ODAD4: variants seen among roughly 807,000 people sequenced by gnomAD.
The protein encoded by ODAD4 is outer dynein arm-docking complex subunit 4.
Under a neutral mutation model 51.8 loss-of-function variants are expected in ODAD4, and 49 were observed. The ratio of observed to expected loss-of-function variants is 0.95; its 90% CI spans 0.75 to 1.20. ODAD4 has a LOEUF of 1.20. Ranked by LOEUF, ODAD4 falls within the 50% of genes most tolerant of loss-of-function variation. The probability of loss-of-function intolerance (pLI) is 0.00; values close to 1 mark genes in which losing one functional copy is unlikely to be tolerated. For synonymous variants in ODAD4, 235 were observed against 221.3 expected (o/e 1.06, Z -0.55); for missense variants, 590 against 586.5 (o/e 1.01, Z -0.06).
At chr17:41,936,396 C>A in intron 3 of ODAD4, 77 bp from the exon 4 acceptor site, 1 of 1,070,320 alleles carries the variant, frequency 9.3e-7, no homozygotes, top group Non-Finnish European at 1.4e-6. Flanking sequence ...CAAAGGCAGC[C>A]ATTTCTACAT....
At position 41,965,363 on chromosome 17, in the gene ODAD4, A is replaced by G; in HGVS notation, c.1899A>G (p.Glu633=). The G allele has an allele frequency of 2.6e-6, 2 of 780,808 alleles. No individual in the cohort carries two copies. Among genetic ancestry groups the G allele is most frequent in the Non-Finnish European group, 4.8e-6 (2 of 417,974 alleles). The allele number at this position is 780,808 out of a possible 1,614,324, so 48.4% of individuals were successfully genotyped here. The change falls in exon 12 of 12, where the codon GAA becomes GAG. Residue 633 remains glutamate, a synonymous_variant. Coordinates refer to ENST00000377540, the MANE Select transcript of ODAD4 (RefSeq NM_031421.5). ...GAGAATTCAGCAGACAGGAACCAGA[A>G]GAACTAAAGAAACTTTCAGAAGTGG... ...LSGEFSRQEP[E]ELKKLSEVGR...
At chr17:41,936,146 A>G (rs1478603819) in intron 3 of ODAD4, among the ~76,000 whole-genome samples, 1 of 152,196 alleles carries the variant, frequency 6.6e-6, no homozygotes, top group African/African-American at 2.4e-5. Flanking sequence ...CATCAGCATT[A>G]TGGCAGGGGG....
At chr17:41,954,178 G>T (rs1356920791) in intron 9 of ODAD4, among the ~76,000 whole-genome samples, 4 of 151,708 alleles carry the variant, frequency 2.6e-5, no homozygotes, top group Admixed American at 1.3e-4. Context: ...TAGAGATGGG[G>T]ATGTCACCAT....
chr17:41,944,326 C>T lies in ODAD4; in HGVS notation c.1059-810C>T, dbSNP rs972153304. Among the ~76,000 whole-genome samples, 7 of 151,222 alleles carry T rather than the reference C, an allele frequency of 4.6e-5. No individual in the cohort carries two copies. In the East Asian group the frequency reaches 7.8e-4, roughly 17 times the overall value. Reference sequence around the variant, plus strand: ...CTGCAGTGAGCCAAGATTGTGCCACCGCACTCCAACCTGGGTGACACAGCG... The same window carrying T: ...CTGCAGTGAGCCAAGATTGTGCCACTGCACTCCAACCTGGGTGACACAGCG... On this transcript the variant is annotated intron_variant, in intron 7 of 11. Coordinates refer to ENST00000377540, the MANE Select transcript of ODAD4 (RefSeq NM_031421.5).
intron 3 of ODAD4, 29 bp from the exon 4 acceptor site, chr17:41,936,444 G>GTCCCTGGCTTCTTTCCTCACCAGACGCAT: frequency 6.3e-7 from 1 of 1,587,466 alleles, no homozygotes; most frequent in Non-Finnish European, 8.6e-7. Context: ...GGGTCTGGCC[G>GTCCCTGGCTTCTTTCCTCACCAGACGCAT]ACCTGAGCTC....
Position 41,930,784 on chromosome 17 carries a change from G to A in ODAD4, c.61G>A (p.Glu21Lys), listed in dbSNP as rs1555636639. 3.1e-6 allele frequency: 5 copies of A among 1,608,842 alleles called. No individual in the cohort carries two copies. The highest frequency in any genetic ancestry group is 3.4e-6 in the Non-Finnish European group (4 of 1,177,768). Residue 21 changes from glutamate (E) to lysine (K), a missense_variant, in exon 1 of 12, where the codon GAG (glutamate) becomes AAG (lysine). Coordinates refer to ENST00000377540, the MANE Select transcript of ODAD4 (RefSeq NM_031421.5). ...CTTTCCCTCTTATATGGCCGAAGGCGAGCGGCTCTACCTGTGCGGGGAATT... is the reference window on the plus strand; with the variant it reads ...CTTTCCCTCTTATATGGCCGAAGGCAAGCGGCTCTACCTGTGCGGGGAATT... ...STFPSYMAEG[E>K]RLYLCGEFSK...
chr17:41,936,551 T>A lies in ODAD4; in HGVS notation c.459+17T>A. On this transcript the variant is annotated intron_variant, in intron 4 of 11. Transcript: ENST00000377540. ...CAGGCTGAGGTAAGGGCCCTGGTTC[T>A]GTGGTTGTATCCCTCCAAGGGAAGA... 6.2e-7 allele frequency: 1 copy of A among 1,608,054 alleles called. No homozygotes were observed. The highest frequency in any genetic ancestry group is 8.5e-7 in the Non-Finnish European group (1 of 1,175,218).
At chr17:41,936,660 G>T (rs924570459) in intron 4 of ODAD4, 102 bp from the exon 5 acceptor site, 43 of 1,544,872 alleles carry the variant, frequency 2.8e-5, no homozygotes, top group Non-Finnish European at 3.1e-5. Context: ...CCACAGAAAG[G>T]TCCTGGAGTT....
chr17:41,959,506 C>G (rs2050776688), intron 10 of ODAD4, among the ~76,000 whole-genome samples: 1 of 152,200 alleles, frequency 6.6e-6, no homozygotes. Flanking sequence ...AGCAGGGACC[C>G]TGAGAAGTGA....
intron 7 of ODAD4, among the ~76,000 whole-genome samples, chr17:41,944,635 A>G (rs2144509896): frequency 6.6e-6 from 1 of 151,960 alleles, no homozygotes; most frequent in Admixed American, 6.6e-5. Context: ...TACTAAAAAT[A>G]TAAAAATTAG....
chr17:41,944,197 C>T (rs1331461011), intron 7 of ODAD4, among the ~76,000 whole-genome samples: 1 of 104,522 alleles, frequency 9.6e-6, no homozygotes, highest in Non-Finnish European at 2.1e-5. Flanking sequence ...AACTCCGTCT[C>T]AAAAAAAAAA....
At chr17:41,953,909 G>A (rs1046930093) in intron 9 of ODAD4, among the ~76,000 whole-genome samples, 16 of 151,878 alleles carry the variant, frequency 1.1e-4, no homozygotes, top group African/African-American at 3.6e-4. Flanking sequence ...CAAGTGATCC[G>A]CCTGCCTTAG....
chr17:41,954,442 G>C (rs1555640720), intron 9 of ODAD4, among the ~76,000 whole-genome samples: 1 of 152,140 alleles, frequency 6.6e-6, no homozygotes, highest in African/African-American at 2.4e-5. Context: ...GATTGTACCT[G>C]AGTGGGGCCT....
intron 11 of ODAD4, among the ~76,000 whole-genome samples, chr17:41,963,375 C>T (rs1275005711): frequency 3.9e-5 from 6 of 152,034 alleles, no homozygotes; most frequent in Admixed American, 1.3e-4. Context: ...TTGTTAGCAG[C>T]GTATATCTTT....
intron 10 of ODAD4, among the ~76,000 whole-genome samples, chr17:41,956,506 T>A (rs999435418): frequency 1.3e-5 from 2 of 149,342 alleles, no homozygotes; most frequent in Non-Finnish European, 3.0e-5. Context: ...TTTTTTTTTT[T>A]AAATAGAGAT....
Position 41,930,758 on chromosome 17 carries a change from C to A in ODAD4, c.35C>A (p.Thr12Asn). 6.2e-7 allele frequency: 1 copy of A among 1,611,562 alleles called. No homozygotes were observed. Among genetic ancestry groups the A allele is most frequent in the Non-Finnish European group, 8.5e-7 (1 of 1,178,786 alleles). The stretch of plus-strand genomic sequence containing the variant: ...CCCGAAGGCGAGACCTTGCGAAGCA[C>A]CTTTCCCTCTTATATGGCCGAAGGC... The part of the protein sequence containing the change: ...SDPEGETLRS[T>N]FPSYMAEGER... The change falls in exon 1 of 12, where the codon ACC becomes AAC. Residue 12 changes from threonine to asparagine, a missense_variant. This residue lies in a region of ODAD4 where 360 missense variants were observed against 407.5 expected (regional missense o/e 0.88). Coordinates refer to ENST00000377540, the MANE Select transcript of ODAD4 (RefSeq NM_031421.5).
chr17:41,949,935 A>C (rs2050631987), intron 9 of ODAD4, among the ~76,000 whole-genome samples: 2 of 151,886 alleles, frequency 1.3e-5, no homozygotes, highest in Non-Finnish European at 2.9e-5. Context: ...CGGCCTCCCA[A>C]AGTGCTAGGA....
chr17:41,961,469 G>A lies in ODAD4; in HGVS notation c.1528+3G>A. 1.4e-6 allele frequency: 1 copy of A among 724,328 alleles called. No homozygotes were observed. Among genetic ancestry groups the A allele is most frequent in the Non-Finnish European group, 2.6e-6 (1 of 388,522 alleles). The allele number at this position is 724,328 out of a possible 1,614,324, so 44.9% of individuals were successfully genotyped here. A position where few individuals can be genotyped will look rare whatever the true frequency, so the allele number is the denominator to read the frequency against. On this transcript the variant is annotated splice_donor_region_variant and intron_variant, in intron 11 of 11. Transcript: ENST00000377540. The stretch of plus-strand genomic sequence containing the variant: ...TCTCAAAGAAAAAAGCGAGGGAGGT[G>A]AGTTCCTGAAACTCTGAAAAGGCAA...
In ODAD4 at chr17:41,930,710, T is replaced by C. The variant is rs1555636587; in HGVS notation, c.-14T>C. 3.2e-6 allele frequency: 5 copies of C among 1,562,764 alleles called. No homozygotes were observed. Among genetic ancestry groups the C allele is most frequent in the South Asian group, 1.1e-5 (1 of 88,108 alleles). On this transcript the variant is annotated 5_prime_UTR_variant, in exon 1 of 12. Transcript: ENST00000377540. Reference sequence around the variant, plus strand: ...TTGATTGTCTCTGCTTTAGCGTCTCTAAATCCGGTCACCATGTCGGACCCC... The same window carrying C: ...TTGATTGTCTCTGCTTTAGCGTCTCCAAATCCGGTCACCATGTCGGACCCC...
Sources: gnomAD v4.1 joint callset for allele counts (sites outside exome capture counted in the v4.1 genomes callset) on GRCh38, gnomAD v4.1.1 for gene constraint, gnomAD v4.1.1 regional missense constraint, MANE v1.5 for transcripts, NCBI Gene and HGNC (gene_info 2026-07-23, HGNC 2026-07-21) for gene names.